NGF: variants seen among roughly 807,000 people sequenced by gnomAD.
NGF encodes beta-nerve growth factor.
A neutral mutation model predicts 12.8 loss-of-function variants in NGF; 4 were observed. The observed-to-expected ratio is 0.31, with a 90% CI of 0.15 to 0.72. The LOEUF is 0.72. NGF is among the 30% of genes least tolerant of loss of function. The pLI is 0.69. For synonymous variants in NGF, 140 were observed against 130.0 expected (o/e 1.08, Z -0.52); for missense variants, 283 against 330.8 (o/e 0.86, Z 1.12).
chr1:115,331,150 C>CTGAGGTAAGAACTTTCCA (rs2101055593), intron 1 of NGF, among the ~76,000 whole-genome samples: 1 of 152,312 alleles, frequency 6.6e-6, no homozygotes, highest in African/African-American at 2.4e-5. Flanking sequence ...ATTCCAGACT[C>CTGAGGTAAGAACTTTCCA]TGAGGTAAGA....
At chr1:115,326,347 A>G (rs747263062) in intron 1 of NGF, among the ~76,000 whole-genome samples, 12 of 152,114 alleles carry the variant, frequency 7.9e-5, no homozygotes, top group African/African-American at 7.2e-5. Context: ...ATGGTACTGA[A>G]CTACTATAAG....
chr1:115,309,204 C>CA (rs755408834), intron 1 of NGF, among the ~76,000 whole-genome samples: 154 of 152,234 alleles, frequency 1.0e-3, no homozygotes, highest in Admixed American at 1.8e-3. Context: ...TGCCTTAGGG[C>CA]AGTCTAGTAC....
chr1:115,306,220 G>A (rs1474503819), intron 1 of NGF, among the ~76,000 whole-genome samples: 3 of 152,188 alleles, frequency 2.0e-5, no homozygotes, highest in African/African-American at 4.8e-5. Flanking sequence ...AGGGACGAGT[G>A]GAAAGCAATA....
At chr1:115,290,386 CTTTTTTTTTTTTTTTTTT>C (rs67332447) in intron 2 of NGF, among the ~76,000 whole-genome samples, 1 of 64,412 alleles carries the variant, frequency 1.6e-5, no homozygotes. Context: ...CTTCTCTCAT[CTTTTTTTTTTTTTTTTTT>C]TTTTTTTTTG....
Position 115,337,270 on chromosome 1 carries a change from T to TGTTTTTTTTTTG in NGF, c.-137+933_-137+934insCAAAAAAAAAAC, listed in dbSNP as rs1327135980. ...AAATTTTTTTTGTTTTGTTTTTGTTTTTTTTTTTTTTTTTTTTTTTTTTTT... is the reference window on the plus strand; with the variant it reads ...AAATTTTTTTTGTTTTGTTTTTGTTTGTTTTTTTTTTGTTTTTTTTTTTTTTTTTTTTTTTTT... On this transcript the variant is annotated intron_variant, in intron 1 of 2. Coordinates refer to ENST00000369512, the MANE Select transcript of NGF (RefSeq NM_002506.3). 7.2e-5 allele frequency among the ~76,000 whole-genome samples: 3 copies of TGTTTTTTTTTTG among 41,618 alleles called. 1 individual carries two copies. Among genetic ancestry groups the TGTTTTTTTTTTG allele is most frequent in the Non-Finnish European group, 9.3e-5 (2 of 21,530 alleles). 27.3% of individuals were successfully genotyped at this position (41,618 alleles called of 152,430 possible). A position where few individuals can be genotyped will look rare whatever the true frequency, so the allele number is the denominator to read the frequency against.
intron 1 of NGF, among the ~76,000 whole-genome samples, chr1:115,317,582 C>T (rs926032033): frequency 1.3e-5 from 2 of 152,214 alleles, no homozygotes; most frequent in South Asian, 2.1e-4. Flanking sequence ...GTCAAGGAAA[C>T]AATGCCACTG....
intron 1 of NGF, among the ~76,000 whole-genome samples, chr1:115,329,864 C>T (rs1654870358): frequency 6.6e-6 from 1 of 151,160 alleles, no homozygotes; most frequent in African/African-American, 2.4e-5. Flanking sequence ...ATTCTCCCAC[C>T]TTAATCTGCT....
At chr1:115,330,654 T>C (rs1212915265) in intron 1 of NGF, among the ~76,000 whole-genome samples, 1 of 152,168 alleles carries the variant, frequency 6.6e-6, no homozygotes, top group East Asian at 1.9e-4. Context: ...TTGAATCACA[T>C]TTAGGTCATG....
At chr1:115,297,100 CA>C (rs1653896742) in intron 1 of NGF, among the ~76,000 whole-genome samples, 1 of 152,202 alleles carries the variant, frequency 6.6e-6, no homozygotes, top group East Asian at 1.9e-4. Flanking sequence ...AGTGTGATTC[CA>C]TAGTAGTATT....
At chr1:115,301,523 T>C (rs1571080249) in intron 1 of NGF, among the ~76,000 whole-genome samples, 1 of 152,178 alleles carries the variant, frequency 6.6e-6, no homozygotes, top group Admixed American at 6.5e-5. Context: ...CAGATCTGGG[T>C]GCAGAAGAGA....
chr1:115,297,111 T>A (rs1334829551), intron 1 of NGF, among the ~76,000 whole-genome samples: 6 of 152,220 alleles, frequency 3.9e-5, no homozygotes, highest in Non-Finnish European at 7.3e-5. Context: ...ATAGTAGTAT[T>A]TTAGTAATAT....
chr1:115,335,436 G>C (rs1655083870), intron 1 of NGF, among the ~76,000 whole-genome samples: 1 of 152,200 alleles, frequency 6.6e-6, no homozygotes. Flanking sequence ...GTCCACCACA[G>C]AAGTGATTTC....
At chr1:115,318,644 T>C (rs7523654) in intron 1 of NGF, among the ~76,000 whole-genome samples, 84,316 of 152,036 alleles carry the variant, frequency 0.55, 25,917 homozygotes, top group Non-Finnish European at 0.7. Context: ...GCCACCTCTC[T>C]TCTTTGTTGT....
intron 2 of NGF, among the ~76,000 whole-genome samples, chr1:115,292,508 G>C (rs1261908134): frequency 1.3e-5 from 2 of 152,200 alleles, no homozygotes; most frequent in Non-Finnish European, 2.9e-5. Flanking sequence ...CATATTTTGA[G>C]AGCCACGAGT....
At position 115,286,191 on chromosome 1, in the gene NGF, G is replaced by A; in HGVS notation, c.605C>T (p.Thr202Ile). The A allele has an allele frequency of 6.2e-7, 1 of 1,614,146 alleles. No homozygotes were observed. The highest frequency in any genetic ancestry group is 2.2e-5 in the East Asian group (1 of 44,858). The change falls in exon 3 of 3, where the codon ACC (threonine) becomes ATC (isoleucine). Residue 202 changes from threonine to isoleucine, a missense_variant. This residue lies in a region of NGF where 132 missense variants were observed against 189.2 expected (regional missense o/e 0.70). Transcript: ENST00000369512. ...IDSKHWNSYC[T>I]TTHTFVKALT... is the part of the protein sequence containing the mutation. ...CGCCTTGACAAAGGTGTGAGTCGTG[G>A]TACAATATGAGTTCCAGTGCTTTGA...
chr1:115,298,049 G>T (rs1653923297), intron 1 of NGF, among the ~76,000 whole-genome samples: 1 of 152,298 alleles, frequency 6.6e-6, no homozygotes, highest in African/African-American at 2.4e-5. Context: ...AAAACATAAA[G>T]TTCAGGTGTG....
At chr1:115,329,508 A>G (rs997735787) in intron 1 of NGF, among the ~76,000 whole-genome samples, 2 of 152,218 alleles carry the variant, frequency 1.3e-5, no homozygotes, top group Middle Eastern at 3.4e-3. Flanking sequence ...TTTTTTGACT[A>G]TGACTTATAG....
intron 1 of NGF, among the ~76,000 whole-genome samples, chr1:115,322,550 A>G (rs1400485838): frequency 6.6e-6 from 1 of 152,148 alleles, no homozygotes; most frequent in Non-Finnish European, 1.5e-5. Context: ...ATAGTGCCTT[A>G]GGAACCCAGG....
rs1193344539 is a variant in NGF, at chr1:115,306,679, C to T, written c.-136-12929G>A. On this transcript the variant is annotated intron_variant, in intron 1 of 2. Coordinates refer to ENST00000369512, the MANE Select transcript of NGF (RefSeq NM_002506.3). Reference sequence around the variant, plus strand: ...TTTTCATTGCAAGCACTGGGTGCAACTCTGGAAGTTGCTCTAGCCCACCAG... The same window carrying T: ...TTTTCATTGCAAGCACTGGGTGCAATTCTGGAAGTTGCTCTAGCCCACCAG... Among the ~76,000 whole-genome samples, 3 of 152,174 alleles carry T rather than the reference C, an allele frequency of 2.0e-5. No individual in the cohort carries two copies. The East Asian group carries it at 5.8e-4, about 29-fold the overall frequency.
Sources: gnomAD v4.1 joint callset for allele counts (sites outside exome capture counted in the v4.1 genomes callset) on GRCh38, gnomAD v4.1.1 for gene constraint, gnomAD v4.1.1 regional missense constraint, MANE v1.5 for transcripts, NCBI Gene and HGNC (gene_info 2026-07-23, HGNC 2026-07-21) for gene names.